The following TRIP10 variants were observed in gnomAD, a reference collection of about 807,000 sequenced individuals.
TRIP10 encodes cdc42-interacting protein 4.
TRIP10 carries 54 observed loss-of-function variants against 80.9 expected under a neutral mutation model. The observed-to-expected ratio is 0.67, with a 90% confidence interval of 0.54 to 0.84. The LOEUF is 0.84. Among genes scored for constraint, TRIP10 ranks in the 40% least tolerant of loss-of-function variants. TRIP10 has a pLI of 0.00. For missense variants in TRIP10, 773 were observed against 815.3 expected, an observed-to-expected ratio of 0.95 and a Z score of 0.63; for synonymous variants, 321 against 307.2, an observed-to-expected ratio of 1.04 and a Z score of -0.47.
intron 11 of TRIP10, among the ~76,000 whole-genome samples, chr19:6,749,410 A>G (rs950908331): frequency 6.6e-6 from 1 of 152,208 alleles, no homozygotes; most frequent in Non-Finnish European, 1.5e-5. Context: ...ATAAGCAAAC[A>G]GCAGTGGGGG....
In TRIP10 at chr19:6,750,351, G is replaced by A; in HGVS notation, c.1455G>A (p.Arg485=). The A allele has an allele frequency of 1.9e-6, 3 of 1,614,106 alleles. No individual in the cohort carries two copies. Among genetic ancestry groups the A allele is most frequent in the Non-Finnish European group, 2.5e-6 (3 of 1,180,000 alleles). The change falls in exon 13 of 15, where the codon CGG becomes CGA. Residue 485 remains arginine, a synonymous_variant. Transcript: ENST00000313244. ...VLSNRGDSLS[R]HARPPDPPAS... ...GCAACCGGGGAGACAGCCTGAGCCG[G>A]CACGCCCGGCCTCCCGACCCCCCCG...
Position 6,741,145 on chromosome 19 carries a change from G to T in TRIP10, c.140+20G>T, listed in dbSNP as rs1049957774. 4 of 1,614,032 alleles carry T rather than the reference G, an allele frequency of 2.5e-6. No individual in the cohort carries two copies. The highest frequency in any genetic ancestry group is 3.4e-6 in the Non-Finnish European group (4 of 1,179,888). ...ACTGCGGTGAGACCCTGGGGTGGAC[G>T]CTACGGAGGACGCGCCTGGGGCGAC... On this transcript the variant is annotated intron_variant, in intron 2 of 14. Coordinates refer to ENST00000313244, the MANE Select transcript of TRIP10 (RefSeq NM_001288962.2).
At chr19:6,740,918 G>A in intron 1 of TRIP10, 92 bp from the exon 2 acceptor site, 2 of 1,162,614 alleles carry the variant, frequency 1.7e-6, no homozygotes, top group Non-Finnish European at 2.5e-6. Context: ...CAGAGCCTTG[G>A]CCCTCCCTGG....
In TRIP10 at chr19:6,746,210, C is replaced by G. The variant is rs756926704; in HGVS notation, c.1152+14C>G. On this transcript the variant is annotated intron_variant, in intron 10 of 14. Transcript: ENST00000313244. This position sits in a 1 kb window ranked among gnomAD's most constrained non-coding sequence, Gnocchi z 6.2. ...GGCAGCCGTGGGGTAAGTGAGGCCTCGGGGCAGGAGGAGGTGGTGGCCCTA... is the reference window on the plus strand; with the variant it reads ...GGCAGCCGTGGGGTAAGTGAGGCCTGGGGGCAGGAGGAGGTGGTGGCCCTA... 1 of 1,516,720 alleles carries G rather than the reference C, an allele frequency of 6.6e-7. No individual in the cohort carries two copies. The highest frequency in any genetic ancestry group is 1.4e-5 in the African/African-American group (1 of 72,240). 94.0% of individuals were successfully genotyped at this position (1,516,720 alleles called of 1,614,324 possible).
chr19:6,740,845 AGTTTCCTGCCT>A, intron 1 of TRIP10, 154 bp from the exon 2 acceptor site: 1 of 598,788 alleles, frequency 1.7e-6, no homozygotes, highest in South Asian at 2.0e-5. Flanking sequence ...GGTTCCCGCC[AGTTTCCTGCCT>A]CCCCCCGCGC....
chr19:6,741,302 C>G (rs1255817359), intron 3 of TRIP10, 21 bp downstream of exon 3: 1 of 1,598,026 alleles, frequency 6.3e-7, no homozygotes, highest in South Asian at 1.1e-5. Flanking sequence ...AGAGGGGCTG[C>G]AGGGCTAGAT....
intron 3 of TRIP10, 89 bp from the exon 4 acceptor site, chr19:6,742,878 C>G (rs1968963052): frequency 6.5e-7 from 1 of 1,532,440 alleles, no homozygotes; most frequent in Non-Finnish European, 8.8e-7. Context: ...GGGCTTAACC[C>G]TTTTCCACCT....
rs749762586 is a variant in TRIP10, at chr19:6,742,962, C to A, written c.198-5C>A. On this transcript the variant is annotated splice_region_variant and splice_polypyrimidine_tract_variant and intron_variant, in intron 3 of 14. Transcript: ENST00000313244. ...CCCTGTTCCCCGATTCTCATCCAAC[C>A]CCAGATTCAGCCAGCAACAGTCCTT... 3.7e-6 allele frequency: 6 copies of A among 1,613,702 alleles called. No homozygotes were observed. The highest frequency in any genetic ancestry group is 5.1e-6 in the Non-Finnish European group (6 of 1,179,952).
chr19:6,741,776 T>C (rs1207308673), intron 3 of TRIP10, among the ~76,000 whole-genome samples: 1 of 152,204 alleles, frequency 6.6e-6, no homozygotes, highest in African/African-American at 2.4e-5. Flanking sequence ...TTTTGGTCAC[T>C]TGTTTGGCAG....
Position 6,744,918 on chromosome 19 carries a change from C to T in TRIP10, c.908C>T (p.Pro303Leu), listed in dbSNP as rs759855006. The T allele has an allele frequency of 6.2e-7, 1 of 1,614,180 alleles. No individual in the cohort carries two copies. The highest frequency in any genetic ancestry group is 1.1e-5 in the South Asian group (1 of 91,090). ...RAPSDSSLGT[P>L]SDGRPELRGP... ...CCCTCCGACAGCAGTCTGGGCACCC[C>T]CTCGGATGGACGGCCTGAACTCCGA... The change falls in exon 9 of 15, where the codon CCC (proline) becomes CTC (leucine). Residue 303 changes from proline (P) to leucine (L), a missense_variant. Physicochemically the swap from Pro to Leu is moderately conservative, Grantham distance 98. Coordinates refer to ENST00000313244, the MANE Select transcript of TRIP10 (RefSeq NM_001288962.2). The surrounding 1 kb of genome is among the most constrained non-coding windows in gnomAD (Gnocchi z 4.9).
intron 11 of TRIP10, among the ~76,000 whole-genome samples, chr19:6,749,486 TCGG>T (rs60296147): frequency 0.012 from 1,782 of 152,292 alleles, 31 homozygotes; most frequent in African/African-American, 0.041. Flanking sequence ...ACCCAGGCAG[TCGG>T]GCACTAGTAT....
At chr19:6,741,499 C>T (rs1413859672) in intron 3 of TRIP10, among the ~76,000 whole-genome samples, 1 of 152,194 alleles carries the variant, frequency 6.6e-6, no homozygotes, top group Non-Finnish European at 1.5e-5. Flanking sequence ...TTTTCTGCCA[C>T]TATTTTCCTT....
In TRIP10 at chr19:6,746,937, G is replaced by A. The variant is rs142932737; in HGVS notation, c.1262+376G>A. On this transcript the variant is annotated intron_variant, in intron 11 of 14. Coordinates refer to ENST00000313244, the MANE Select transcript of TRIP10 (RefSeq NM_001288962.2). The surrounding 1 kb of genome is among the most constrained non-coding windows in gnomAD (Gnocchi z 6.2). The stretch of plus-strand genomic sequence containing the variant: ...GGATTATAGGCATGAGCCACTGCCC[G>A]GGTCTGTAAATGAATGACATTTAAA... Among the ~76,000 whole-genome samples, 12 of 152,250 alleles carry A rather than the reference G, an allele frequency of 7.9e-5. No homozygotes were observed. In the South Asian group the frequency reaches 8.3e-4, roughly 11 times the overall value.
At chr19:6,741,157 G>T in intron 2 of TRIP10, 32 bp downstream of exon 2, 1 of 1,613,842 alleles carries the variant, frequency 6.2e-7, no homozygotes, top group Non-Finnish European at 8.5e-7. Context: ...TACGGAGGAC[G>T]CGCCTGGGGC....
At chr19:6,747,800 A>C (rs1969181783) in intron 11 of TRIP10, among the ~76,000 whole-genome samples, 1 of 151,096 alleles carries the variant, frequency 6.6e-6, no homozygotes, top group African/African-American at 2.4e-5. Flanking sequence ...CTCAAATAAT[A>C]ATAATAATAA....
chr19:6,750,891 G>A, intron 14 of TRIP10, 172 bp from the exon 15 acceptor site: 1 of 1,177,928 alleles, frequency 8.5e-7, no homozygotes, highest in Non-Finnish European at 1.2e-6. Context: ...AGCTACTCGG[G>A]AGGCTGAGGC....
intron 12 of TRIP10, 77 bp downstream of exon 12, chr19:6,750,143 G>GGTGGGGA: frequency 3.6e-6 from 3 of 842,272 alleles, no homozygotes; most frequent in Admixed American, 2.1e-5. Context: ...GGGGGTCGGG[G>GGTGGGGA]ACAGGGGAGG....
intron 11 of TRIP10, among the ~76,000 whole-genome samples, 158 bp from the exon 12 acceptor site, chr19:6,749,776 G>A (rs565539638): frequency 1.3e-5 from 2 of 152,218 alleles, no homozygotes; most frequent in East Asian, 1.9e-4. Flanking sequence ...ACTTGAGCCC[G>A]GGAGGTTAAG....
intron 1 of TRIP10, among the ~76,000 whole-genome samples, 197 bp downstream of exon 1, chr19:6,739,982 G>C (rs1968859415): frequency 6.6e-6 from 1 of 152,160 alleles, no homozygotes; most frequent in Non-Finnish European, 1.5e-5. Context: ...CGACTTTGCC[G>C]GACCGGAGTG....
Sources: gnomAD v4.1 joint callset for allele counts (sites outside exome capture counted in the v4.1 genomes callset) on GRCh38, gnomAD v4.1.1 for gene constraint, Gnocchi (gnomAD v3.1) non-coding constraint, MANE v1.5 for transcripts, NCBI Gene and HGNC (gene_info 2026-07-23, HGNC 2026-07-21) for gene names.